DGKH: variants seen among roughly 807,000 people sequenced by gnomAD.
The protein encoded by DGKH is DAG kinase eta.
DGKH carries 90 observed loss-of-function variants against 159.3 expected under a neutral mutation model. That is an observed-to-expected ratio of 0.57 (90% confidence interval 0.48 to 0.67). The LOEUF (loss-of-function observed/expected upper bound fraction) is 0.67, where lower values mean the gene tolerates loss of function less well. Among genes scored for constraint, DGKH ranks in the 30% least tolerant of loss-of-function variants. DGKH has a pLI of 0.00. For missense variants in DGKH, 1,181 were observed against 1,506.1 expected (o/e 0.78, Z 3.57); for synonymous variants, 536 against 553.8 (o/e 0.97, Z 0.45).
chr13:42,147,168 G>T (rs1287457944), intron 3 of DGKH, among the ~76,000 whole-genome samples: 1 of 152,084 alleles, frequency 6.6e-6, no homozygotes, highest in Non-Finnish European at 1.5e-5. Flanking sequence ...GGGAGGATTG[G>T]TATATAAATG....
chr13:42,109,671 C>CGTGTGT (rs765879320), intron 1 of DGKH, among the ~76,000 whole-genome samples: 3 of 132,200 alleles, frequency 2.3e-5, no homozygotes, highest in African/African-American at 3.0e-5. Context: ...CGTGTGTGTG[C>CGTGTGT]GTGTGTGTGT....
intron 3 of DGKH, among the ~76,000 whole-genome samples, chr13:42,145,323 TTGAG>T (rs1329755000): frequency 6.6e-6 from 1 of 152,080 alleles, no homozygotes; most frequent in Non-Finnish European, 1.5e-5. Flanking sequence ...AACAGATAGG[TTGAG>T]TGTTATCTAG....
intron 29 of DGKH, among the ~76,000 whole-genome samples, chr13:42,224,343 T>C (rs180732833): frequency 1.4e-3 from 213 of 152,314 alleles, no homozygotes; most frequent in African/African-American, 5.1e-3. Flanking sequence ...TTTTTGTCCA[T>C]CTTCCCCTAA....
chr13:42,041,458 G>A (rs1227751794), intron 1 of DGKH, among the ~76,000 whole-genome samples: 1 of 152,248 alleles, frequency 6.6e-6, no homozygotes, highest in Non-Finnish European at 1.5e-5. Flanking sequence ...TTTTGCCGGG[G>A]ACGAAGCAGA....
At chr13:42,196,566 T>C (rs557021104) in intron 17 of DGKH, among the ~76,000 whole-genome samples, 5 of 152,252 alleles carry the variant, frequency 3.3e-5, no homozygotes, top group Admixed American at 2.6e-4. Flanking sequence ...ATGCGCAGAA[T>C]AGTCATAACG....
At chr13:42,216,141 G>C (rs1402062354) in intron 26 of DGKH, among the ~76,000 whole-genome samples, 1 of 152,170 alleles carries the variant, frequency 6.6e-6, no homozygotes, top group Non-Finnish European at 1.5e-5. Context: ...AATCCAGATT[G>C]GTCCTGGAAA....
At chr13:42,141,298 A>G (rs1955553751) in intron 3 of DGKH, among the ~76,000 whole-genome samples, 1 of 151,792 alleles carries the variant, frequency 6.6e-6, no homozygotes, top group Admixed American at 6.6e-5. Flanking sequence ...AATCCAGTCT[A>G]TCATTGTTGG....
At chr13:42,118,840 G>A (rs1457762827) in intron 1 of DGKH, among the ~76,000 whole-genome samples, 3 of 152,126 alleles carry the variant, frequency 2.0e-5, no homozygotes, top group Non-Finnish European at 4.4e-5. Context: ...AAGCGGTGGC[G>A]TAATTTAACT....
At chr13:42,207,113 C>CTTTCTTTCTTTCTT (rs57817448) in intron 21 of DGKH, among the ~76,000 whole-genome samples, 6 of 77,294 alleles carry the variant, frequency 7.8e-5, no homozygotes, top group East Asian at 6.6e-4. Context: ...TTCTTTCTTT[C>CTTTCTTTCTTTCTT]TCTTTCTCTC....
rs1958471624 is a variant in DGKH, at chr13:42,239,116, T to C, written c.*9928T>C. On this transcript the variant is annotated 3_prime_UTR_variant, in exon 30 of 30. Transcript: ENST00000337343. ...CAGTGACTGGAAGAAATTGTTTTTCTGGGAATTTGCTTCCCATAATGACCT... is the reference window on the plus strand; with the variant it reads ...CAGTGACTGGAAGAAATTGTTTTTCCGGGAATTTGCTTCCCATAATGACCT... 6.6e-6 allele frequency: 1 copy of C among 152,162 alleles called. No individual in the cohort carries two copies. The highest frequency in any genetic ancestry group is 1.5e-5 in the Non-Finnish European group (1 of 67,980). 9.4% of individuals were successfully genotyped at this position (152,162 alleles called of 1,614,324 possible).
At chr13:42,207,062 C>CCTTCTTTCTTTCTTTCTTTCT (rs1957507703) in intron 21 of DGKH, among the ~76,000 whole-genome samples, 1 of 65,340 alleles carries the variant, frequency 1.5e-5, no homozygotes, top group African/African-American at 7.2e-5. Flanking sequence ...TCTTTCCTTC[C>CCTTCTTTCTTTCTTTCTTTCT]TTCTTTCTTT....
intron 30 of DGKH, among the ~76,000 whole-genome samples, chr13:42,252,977 C>T (rs1265980642): frequency 3.3e-5 from 5 of 151,972 alleles, no homozygotes; most frequent in African/African-American, 1.2e-4. Flanking sequence ...TGACCGGCCT[C>T]CTACAACTTT....
intron 20 of DGKH, among the ~76,000 whole-genome samples, chr13:42,202,584 C>T (rs1957373698): frequency 6.6e-6 from 1 of 152,030 alleles, no homozygotes; most frequent in Non-Finnish European, 1.5e-5. Flanking sequence ...ATAAATGAGC[C>T]CAAGGTACTG....
At position 42,130,034 on chromosome 13, in the gene DGKH, A is replaced by G. The variant is rs140785869; in HGVS notation, c.384+402A>G. On this transcript the variant is annotated intron_variant, in intron 3 of 29. Coordinates refer to ENST00000337343, the MANE Select transcript of DGKH (RefSeq NM_178009.5). ...AGTTGCCATCGTTCAGGCAGTTGCC[A>G]TAGTTCAGGTCACTTCTCACTTAGG... 8.1e-3 allele frequency among the ~76,000 whole-genome samples: 1,233 copies of G among 152,304 alleles called. 12 individuals are homozygous for G. The highest frequency in any genetic ancestry group is 0.027 in the African/African-American group (1,141 of 41,586).
intron 1 of DGKH, among the ~76,000 whole-genome samples, chr13:42,087,185 G>A (rs900554764): frequency 6.6e-6 from 1 of 151,972 alleles, no homozygotes; most frequent in African/African-American, 2.4e-5. Context: ...AATACACAGA[G>A]ATCCTGTAGA....
chr13:42,224,905 T>A lies in DGKH; in HGVS notation c.3573+3511T>A, dbSNP rs113681773. Among the ~76,000 whole-genome samples the A allele has an allele frequency of 9.2e-3, 1,330 of 144,470 alleles. 20 individuals are homozygous for A. The highest frequency in any genetic ancestry group is 0.031 in the African/African-American group (1,133 of 36,710). 94.8% of individuals were successfully genotyped at this position (144,470 alleles called of 152,430 possible). A position where few individuals can be genotyped will look rare whatever the true frequency, so the allele number is the denominator to read the frequency against. On this transcript the variant is annotated intron_variant, in intron 29 of 29. Coordinates refer to ENST00000337343, the MANE Select transcript of DGKH (RefSeq NM_178009.5). ...AAAGTTGGGAAAAGGAAAAAAAAAATATATATATATATACATATATTTGTT... is the reference window on the plus strand; with the variant it reads ...AAAGTTGGGAAAAGGAAAAAAAAAAAATATATATATATACATATATTTGTT...
intron 18 of DGKH, 104 bp downstream of exon 18, chr13:42,198,699 C>A: frequency 9.7e-7 from 1 of 1,027,462 alleles, no homozygotes; most frequent in East Asian, 2.5e-5. Context: ...AATATGGTCC[C>A]ATGTAAAAAA....
At chr13:42,250,264 C>T (rs926385009) in intron 29 of DGKH, among the ~76,000 whole-genome samples, 11 of 151,810 alleles carry the variant, frequency 7.2e-5, no homozygotes, top group African/African-American at 2.4e-4. Flanking sequence ...CCCCCACGAC[C>T]GGCCACTCCA....
intron 7 of DGKH, among the ~76,000 whole-genome samples, chr13:42,163,088 C>A (rs1566146769): frequency 2.0e-5 from 3 of 149,830 alleles, no homozygotes; most frequent in Non-Finnish European, 4.4e-5. Flanking sequence ...GTTCAATTCC[C>A]ATCTATGAGT....
Sources: allele counts gnomAD v4.1 joint callset (sites outside exome capture counted in the v4.1 genomes callset), GRCh38; gene constraint gnomAD v4.1.1; transcripts MANE v1.5; gene names NCBI Gene and HGNC (gene_info 2026-07-23, HGNC 2026-07-21).